Variants in SARS1 observed in about 807,000 individuals in gnomAD.
SARS1 encodes seryl-tRNA synthetase 1, also known as serine--tRNA ligase, cytoplasmic.
A neutral mutation model predicts 63.7 loss-of-function variants in SARS1; 25 were observed. The ratio of observed to expected loss-of-function variants is 0.39; its 90% CI spans 0.29 to 0.55. The LOEUF (loss-of-function observed/expected upper bound fraction) is 0.55, where lower values mean the gene tolerates loss of function less well. Among genes scored for constraint, SARS1 ranks in the 20% least tolerant of loss-of-function variants. SARS1 has a pLI of 0.62. For missense variants in SARS1, 417 were observed against 649.7 expected, an observed-to-expected ratio of 0.64 and a Z score of 3.89; for synonymous variants, 231 against 243.5, an observed-to-expected ratio of 0.95 and a Z score of 0.48.
At chr1:109,217,469 TAA>T (rs1254363319) in intron 1 of SARS1, among the ~76,000 whole-genome samples, 1 of 151,676 alleles carries the variant, frequency 6.6e-6, no homozygotes, top group Non-Finnish European at 1.5e-5. Context: ...ATAAAAAATA[TAA>T]AGAGAAACAG....
rs558749990 is a variant in SARS1, at chr1:109,231,734, A to G, written c.695A>G (p.Glu232Gly). 1.3e-6 allele frequency: 2 copies of G among 1,598,076 alleles called. No homozygotes were observed. Residue 232 changes from glutamate (E) to glycine (G), a missense_variant, in exon 6 of 11, where the codon GAG (glutamate) becomes GGG (glycine). Glu to Gly is a moderately conservative substitution (Grantham distance 98, BLOSUM62 -2). Transcript: ENST00000234677. ...PIYTPFFMRK[E>G]VMQEVAQLSQ... ...TATACCCCCTTTTTCATGAGGAAGGAGGTCATGCAGGAGGTGGCACAGCTC... is the reference window on the plus strand; with the variant it reads ...TATACCCCCTTTTTCATGAGGAAGGGGGTCATGCAGGAGGTGGCACAGCTC...
Position 109,235,483 on chromosome 1 carries a change from G to A in SARS1, c.969+52G>A. The A allele has an allele frequency of 7.0e-7, 1 of 1,427,734 alleles. No individual in the cohort carries two copies. Among genetic ancestry groups the A allele is most frequent in the South Asian group, 1.2e-5 (1 of 84,914 alleles). 88.4% of individuals were successfully genotyped at this position (1,427,734 alleles called of 1,614,324 possible). Reference sequence around the variant, plus strand: ...TGGAACTTTCTCTGTCTCCAGAATGGTTAGATGAGAGATAGGATCTGTGTT... The same window carrying A: ...TGGAACTTTCTCTGTCTCCAGAATGATTAGATGAGAGATAGGATCTGTGTT... On this transcript the variant is annotated intron_variant, in intron 7 of 10. Coordinates refer to ENST00000234677, the MANE Select transcript of SARS1 (RefSeq NM_006513.4). The surrounding 1 kb of genome is among the most constrained non-coding windows in gnomAD (Gnocchi z 4.7).
intron 2 of SARS1, among the ~76,000 whole-genome samples, chr1:109,226,038 G>A (rs1221799291): frequency 6.6e-6 from 1 of 151,906 alleles, no homozygotes. Context: ...TATTGCCCAG[G>A]CTGGAGCGCA....
chr1:109,234,574 G>A (rs1373565928), intron 6 of SARS1, among the ~76,000 whole-genome samples: 6 of 152,070 alleles, frequency 3.9e-5, no homozygotes, highest in African/African-American at 9.7e-5. Flanking sequence ...TTTAGTAAAC[G>A]TCTCACAAGG....
Position 109,214,810 on chromosome 1 carries a change from T to C in SARS1, c.136+682T>C. On this transcript the variant is annotated intron_variant, in intron 1 of 10. Transcript: ENST00000234677. The surrounding 1 kb of genome is among the most constrained non-coding windows in gnomAD (Gnocchi z 4.6). The stretch of plus-strand genomic sequence containing the variant: ...GCTGTTTAATTGTGATTTGTGGACG[T>C]TTTCCTTTAAAGACATTGGCAGAGT... 2.0e-6 allele frequency: 2 copies of C among 985,438 alleles called. No individual in the cohort carries two copies. Among genetic ancestry groups the C allele is most frequent in the Non-Finnish European group, 2.4e-6 (2 of 829,944 alleles). The allele number at this position is 985,438 out of a possible 1,614,324, so 61.0% of individuals were successfully genotyped here. A position where few individuals can be genotyped will look rare whatever the true frequency, so the allele number is the denominator to read the frequency against.
At chr1:109,222,008 A>T (rs777610402) in intron 1 of SARS1, among the ~76,000 whole-genome samples, 843 of 15,982 alleles carry the variant, frequency 0.053, 349 homozygotes, top group East Asian at 0.092. Flanking sequence ...ATATATATAT[A>T]TATTTTTTTT....
In SARS1 at chr1:109,215,529, C is replaced by T. The variant is rs116087294; in HGVS notation, c.136+1401C>T. 1.9e-3 allele frequency: 1,919 copies of T among 985,248 alleles called. 26 individuals carry two copies. In the African/African-American group the frequency reaches 0.031, roughly 16 times the overall value. The allele number at this position is 985,248 out of a possible 1,614,324, so 61.0% of individuals were successfully genotyped here. A position where few individuals can be genotyped will look rare whatever the true frequency, so the allele number is the denominator to read the frequency against. On this transcript the variant is annotated intron_variant, in intron 1 of 10. Coordinates refer to ENST00000234677, the MANE Select transcript of SARS1 (RefSeq NM_006513.4). ...ACATATACACATTTATACATAAAAT[C>T]CCAGTACCTAGCACTGTACCTGGTC...
chr1:109,219,280 T>TATATATATATATATATATATATAC (rs777650858), intron 1 of SARS1, among the ~76,000 whole-genome samples: 1 of 61,128 alleles, frequency 1.6e-5, no homozygotes, highest in East Asian at 1.0e-3. Flanking sequence ...TATATATATA[T>TATATATATATATATATATATATAC]ATATATATAG....
In SARS1 at chr1:109,219,333, C is replaced by T. The variant is rs577815533; in HGVS notation, c.137-4645C>T. On this transcript the variant is annotated intron_variant, in intron 1 of 10. Coordinates refer to ENST00000234677, the MANE Select transcript of SARS1 (RefSeq NM_006513.4). ...TATATACACTATATATTTATATACA[C>T]ACTATATATATATATATATATGACA... 5.4e-3 allele frequency among the ~76,000 whole-genome samples: 260 copies of T among 48,224 alleles called. 4 individuals carry two copies. Among genetic ancestry groups the T allele is most frequent in the African/African-American group, 0.016 (244 of 15,680 alleles). The allele number at this position is 48,224 out of a possible 152,430, so 31.6% of individuals were successfully genotyped here.
In SARS1 at chr1:109,237,025, G is replaced by A. The variant is rs77400401; in HGVS notation, c.1258-219G>A. The A allele has an allele frequency of 2.2e-3, 2,758 of 1,257,722 alleles. 52 individuals carry two copies. The African/African-American group carries it at 0.038, about 17-fold the overall frequency. The allele number at this position is 1,257,722 out of a possible 1,614,324, so 77.9% of individuals were successfully genotyped here. ...CTCAGAATACCAGAAGCTACCACTT[G>A]TCACTCATCGAAACATGAGGGATCT... On this transcript the variant is annotated intron_variant, in intron 9 of 10. Transcript: ENST00000234677. This position sits in a 1 kb window ranked among gnomAD's most constrained non-coding sequence, Gnocchi z 4.1.
intron 2 of SARS1, among the ~76,000 whole-genome samples, chr1:109,225,794 G>A (rs540178608): frequency 6.6e-6 from 1 of 152,290 alleles, no homozygotes; most frequent in Non-Finnish European, 1.5e-5. Context: ...CTTAGTTGCA[G>A]AGTCAAACCT....
At chr1:109,227,884 T>C (rs897044205) in intron 2 of SARS1, among the ~76,000 whole-genome samples, 9 of 145,512 alleles carry the variant, frequency 6.2e-5, no homozygotes, top group Admixed American at 3.6e-4. Context: ...ACGCAAACTG[T>C]ACTCTAGCCT....
chr1:109,227,970 G>GC (rs998021790), intron 2 of SARS1, among the ~76,000 whole-genome samples: 1 of 150,178 alleles, frequency 6.7e-6, no homozygotes, highest in Non-Finnish European at 1.5e-5. Context: ...TCCAGGGCTT[G>GC]CTCCTGAGCA....
chr1:109,219,424 T>C (rs562255333), intron 1 of SARS1, among the ~76,000 whole-genome samples: 1 of 150,458 alleles, frequency 6.6e-6, no homozygotes, highest in Admixed American at 6.6e-5. Flanking sequence ...AAAATAATAG[T>C]ATTCTTACCT....
Position 109,219,262 on chromosome 1 carries a change from CATATAT to C in SARS1, c.137-4694_137-4689del, listed in dbSNP as rs142272817. On this transcript the variant is annotated intron_variant, in intron 1 of 10. Transcript: ENST00000234677. ...GCCTGGGCGATAGAGCAAGACTCTC[CATATAT>C]ATATATATATATATATATATAGTGT... Among the ~76,000 whole-genome samples the C allele has an allele frequency of 2.5e-4, 19 of 76,950 alleles. 1 individual carries two copies. The South Asian group carries it at 2.7e-3, about 11-fold the overall frequency. The allele number at this position is 76,950 out of a possible 152,430, so 50.5% of individuals were successfully genotyped here.
At chr1:109,218,128 G>A (rs1162386211) in intron 1 of SARS1, among the ~76,000 whole-genome samples, 1 of 146,594 alleles carries the variant, frequency 6.8e-6, no homozygotes, top group Non-Finnish European at 1.5e-5. Context: ...GGGAGGCAGA[G>A]CTTGCAGTGA....
At chr1:109,217,002 AT>A (rs1326453733) in intron 1 of SARS1, 10 of 985,422 alleles carry the variant, frequency 1.0e-5, no homozygotes, top group Non-Finnish European at 8.4e-6. Context: ...AGCAACTGGA[AT>A]AGCTTTCTAT....
chr1:109,214,731 G>A lies in SARS1; in HGVS notation c.136+603G>A. 1 of 985,440 alleles carries A rather than the reference G, an allele frequency of 1.0e-6. No individual in the cohort carries two copies. The highest frequency in any genetic ancestry group is 1.2e-6 in the Non-Finnish European group (1 of 829,940). The allele number at this position is 985,440 out of a possible 1,614,324, so 61.0% of individuals were successfully genotyped here. On this transcript the variant is annotated intron_variant, in intron 1 of 10. Coordinates refer to ENST00000234677, the MANE Select transcript of SARS1 (RefSeq NM_006513.4). The surrounding 1 kb of genome is among the most constrained non-coding windows in gnomAD (Gnocchi z 4.6). ...AAGAATTAGAAAAGTCTTTTCCGTG[G>A]TAGATCAAACGCGAGGGGAGTGAGG...
chr1:109,221,688 A>G (rs1654931450), intron 1 of SARS1, among the ~76,000 whole-genome samples: 1 of 152,186 alleles, frequency 6.6e-6, no homozygotes, highest in Non-Finnish European at 1.5e-5. Flanking sequence ...AATAACATTT[A>G]AGACTCATAT....
Sources: gnomAD v4.1 joint callset for allele counts (sites outside exome capture counted in the v4.1 genomes callset) on GRCh38, gnomAD v4.1.1 for gene constraint, Gnocchi (gnomAD v3.1) non-coding constraint, MANE v1.5 for transcripts, NCBI Gene and HGNC (gene_info 2026-07-23, HGNC 2026-07-21) for gene names.